Variants in RTN4R observed in about 807,000 individuals in gnomAD.
RTN4R encodes the protein reticulon 4 receptor.
Under a neutral mutation model 27.7 loss-of-function variants are expected in RTN4R, and 4 were observed. The ratio of observed to expected loss-of-function variants is 0.14; its 90% CI spans 0.07 to 0.33. RTN4R has a LOEUF of 0.33. Ranked by LOEUF, RTN4R falls within the 10% of genes least tolerant of loss-of-function variation. The probability of loss-of-function intolerance (pLI) is 1.00; values close to 1 mark genes in which losing one functional copy is unlikely to be tolerated. For missense variants in RTN4R, 554 were observed against 671.5 expected, an observed-to-expected ratio of 0.83 and a Z score of 1.93; for synonymous variants, 290 against 305.6, an observed-to-expected ratio of 0.95 and a Z score of 0.53.
chr22:20,252,073 A>ATCG (rs1039031282), intron 1 of RTN4R, among the ~76,000 whole-genome samples: 65 of 141,452 alleles, frequency 4.6e-4, no homozygotes, highest in African/African-American at 1.6e-3. Flanking sequence ...CACCATCACC[A>ATCG]TCCTCATCAT....
intron 1 of RTN4R, chr22:20,243,665 G>A (rs766618429): frequency 6.9e-5 from 28 of 407,256 alleles, no homozygotes; most frequent in Non-Finnish European, 1.2e-4. Context: ...CACCCAGGCA[G>A]CCTGCTCCCT....
intron 1 of RTN4R, chr22:20,243,483 A>C (rs1373602987): frequency 1.9e-6 from 1 of 520,464 alleles, no homozygotes; most frequent in Non-Finnish European, 3.8e-6. Flanking sequence ...CCCGCATTGC[A>C]GGAGTCCCCG....
chr22:20,241,921 C>T lies in RTN4R; in HGVS notation c.1212G>A (p.Glu404=), dbSNP rs1463654073. 5.6e-6 allele frequency: 9 copies of T among 1,605,620 alleles called. No individual in the cohort carries two copies. Among genetic ancestry groups the T allele is most frequent in the Non-Finnish European group, 7.6e-6 (9 of 1,177,274 alleles). Residue 404 remains glutamate (E), a synonymous_variant, in exon 2 of 2, where the codon GAG becomes GAA. Transcript: ENST00000043402. ...PLTAVRPEGS[E]PPGFPTSGPR... is the part of the protein sequence containing the mutation. ...GGCCCGAGGTGGGGAACCCTGGTGG[C>T]TCGGAGCCCTCGGGCCGCACTGCAG...
chr22:20,249,198 G>C, intron 1 of RTN4R: 1 of 534,190 alleles, frequency 1.9e-6, no homozygotes, highest in South Asian at 1.4e-5. Context: ...AGCAAGCTGA[G>C]TCCCCAGAGG....
chr22:20,248,771 C>T (rs1443129764), intron 1 of RTN4R, among the ~76,000 whole-genome samples: 1 of 152,196 alleles, frequency 6.6e-6, no homozygotes, highest in Non-Finnish European at 1.5e-5. Context: ...AGGATGTTGG[C>T]AGGAGCCCAG....
At chr22:20,252,652 C>A (rs1391931791) in intron 1 of RTN4R, among the ~76,000 whole-genome samples, 2 of 152,150 alleles carry the variant, frequency 1.3e-5, no homozygotes, top group Non-Finnish European at 2.9e-5. Context: ...GCGACCAGAG[C>A]AGACCCTGAG....
chr22:20,248,373 C>T lies in RTN4R; in HGVS notation c.23-5263G>A, dbSNP rs1459943641. On this transcript the variant is annotated intron_variant, in intron 1 of 1. Coordinates refer to ENST00000043402, the MANE Select transcript of RTN4R (RefSeq NM_023004.6). ...CAGCCACCCCCGCTCCTAACCTGAGCTCCACAGTCCTGTTTCCAGCCAGCA... is the reference window on the plus strand; with the variant it reads ...CAGCCACCCCCGCTCCTAACCTGAGTTCCACAGTCCTGTTTCCAGCCAGCA... Among the ~76,000 whole-genome samples the T allele has an allele frequency of 3.3e-5, 5 of 152,206 alleles. No individual in the cohort carries two copies. The South Asian group carries it at 8.3e-4, about 25-fold the overall frequency.
chr22:20,253,589 C>G (rs2051196359), intron 1 of RTN4R, among the ~76,000 whole-genome samples: 1 of 152,156 alleles, frequency 6.6e-6, no homozygotes. Context: ...AGCAGCCAAC[C>G]AGCTTCCCTC....
At chr22:20,250,717 A>G (rs2051170911) in intron 1 of RTN4R, among the ~76,000 whole-genome samples, 1 of 152,202 alleles carries the variant, frequency 6.6e-6, no homozygotes, top group Non-Finnish European at 1.5e-5. Context: ...AACAGAAATG[A>G]TCATTTTTCT....
chr22:20,258,050 TC>T (rs2051221854), intron 1 of RTN4R, among the ~76,000 whole-genome samples: 1 of 152,168 alleles, frequency 6.6e-6, no homozygotes, highest in African/African-American at 2.4e-5. Context: ...ACCTGGCCTC[TC>T]CCTGGAGGAC....
At chr22:20,249,029 G>T in intron 1 of RTN4R, 1 of 483,436 alleles carries the variant, frequency 2.1e-6, no homozygotes. Context: ...CCAGCCCAGG[G>T]CACAGCCAGT....
chr22:20,243,190 C>T lies in RTN4R; in HGVS notation c.23-80G>A, dbSNP rs2072986057. On this transcript the variant is annotated intron_variant, in intron 1 of 1. Coordinates refer to ENST00000043402, the MANE Select transcript of RTN4R (RefSeq NM_023004.6). ...GGAGGTTTTGCTAGAGCCAGGTGGGCCCCGGAGATTGGGTCTCAGGAGGAC... is the reference window on the plus strand; with the variant it reads ...GGAGGTTTTGCTAGAGCCAGGTGGGTCCCGGAGATTGGGTCTCAGGAGGAC... The T allele has an allele frequency of 4.9e-6, 7 of 1,441,310 alleles. No individual in the cohort carries two copies. The African/African-American group carries it at 7.0e-5, about 14-fold the overall frequency. 89.3% of individuals were successfully genotyped at this position (1,441,310 alleles called of 1,614,324 possible).
chr22:20,246,342 G>A (rs9606293), intron 1 of RTN4R, among the ~76,000 whole-genome samples: 5,271 of 152,298 alleles, frequency 0.035, 153 homozygotes, highest in South Asian at 0.077. Flanking sequence ...AGTCCAGGAC[G>A]CATCCCCCTG....
At position 20,241,951 on chromosome 22, in the gene RTN4R, CG is replaced by C; in HGVS notation, c.1181del (p.Pro394ArgfsTer157). 6.2e-7 allele frequency: 1 copy of C among 1,608,706 alleles called. No individual in the cohort carries two copies. ...AGCCCTCGGGCCGCACTGCAGTGAG[CG>C]GGGGCTCAGCAGAGCCAGGCAGAGT... Reference protein sequence around the residue: ...FGTLPGSAEPPLTAVRPEGSE... With the variant: ...FGTLPGSAEPXLTAVRPEGSE... On this transcript the variant is annotated frameshift_variant, in exon 2 of 2. Transcript: ENST00000043402. LOFTEE classifies it high-confidence loss of function.
rs547279403 is a variant in RTN4R, at chr22:20,255,220, T to A, written c.23-12110A>T. Among the ~76,000 whole-genome samples the A allele has an allele frequency of 3.3e-5, 5 of 152,342 alleles. No homozygotes were observed. The highest frequency in any genetic ancestry group is 1.2e-4 in the African/African-American group (5 of 41,584). The stretch of plus-strand genomic sequence containing the variant: ...TATGTTGTTGACCGAATGTTATTAT[T>A]TTTTAAAACAACTGCATATGTGGCA... On this transcript the variant is annotated intron_variant, in intron 1 of 1. Coordinates refer to ENST00000043402, the MANE Select transcript of RTN4R (RefSeq NM_023004.6). This position sits in a 1 kb window ranked among gnomAD's most constrained non-coding sequence, Gnocchi z 4.8.
At chr22:20,265,752 G>T (rs1235716636) in intron 1 of RTN4R, among the ~76,000 whole-genome samples, 2 of 152,218 alleles carry the variant, frequency 1.3e-5, no homozygotes, top group African/African-American at 4.8e-5. Flanking sequence ...CAGTGCAAAG[G>T]TCCCAGGAGG....
rs766094701 is a variant in RTN4R at position 20,255,253 on chromosome 22, C to T, written c.23-12143G>A. ...ACAACTGCATATGTGGCACTAAAAT[C>T]TCAGAAAACAGATAAATAAAAAGAA... On this transcript the variant is annotated intron_variant, in intron 1 of 1. Coordinates refer to ENST00000043402, the MANE Select transcript of RTN4R (RefSeq NM_023004.6). The surrounding 1 kb of genome is among the most constrained non-coding windows in gnomAD (Gnocchi z 4.8). Among the ~76,000 whole-genome samples the T allele has an allele frequency of 6.6e-6, 1 of 152,164 alleles. No homozygotes were observed. The highest frequency in any genetic ancestry group is 1.5e-5 in the Non-Finnish European group (1 of 68,036).
intron 1 of RTN4R, among the ~76,000 whole-genome samples, chr22:20,245,750 C>T (rs2051136947): frequency 6.6e-6 from 1 of 152,202 alleles, no homozygotes; most frequent in Admixed American, 6.5e-5. Context: ...ATAGCATGGC[C>T]TCCCTGCCTG....
intron 1 of RTN4R, among the ~76,000 whole-genome samples, chr22:20,251,213 T>C (rs1260053968): frequency 2.0e-5 from 3 of 152,030 alleles, no homozygotes; most frequent in African/African-American, 7.3e-5. Flanking sequence ...TGGAAAGAGG[T>C]GACCTGGGCA....
Sources: allele counts gnomAD v4.1 joint callset (sites outside exome capture counted in the v4.1 genomes callset), GRCh38; gene constraint gnomAD v4.1.1; non-coding constraint Gnocchi (gnomAD v3.1); transcripts MANE v1.5; gene names NCBI Gene and HGNC (gene_info 2026-07-23, HGNC 2026-07-21).